The following EPHA8 variants were observed in gnomAD, a reference collection of about 807,000 sequenced individuals.
EPHA8 encodes the protein EPH receptor A8, also known as ephrin type-A receptor 8.
EPHA8 carries 58 observed loss-of-function variants against 103.6 expected under a neutral mutation model. The observed-to-expected ratio is 0.56, with a 90% CI of 0.45 to 0.70. The LOEUF (loss-of-function observed/expected upper bound fraction) is 0.70. Ranked by LOEUF, EPHA8 falls within the 30% of genes least tolerant of loss-of-function variation. The pLI is 0.00. For missense variants in EPHA8, 1,304 were observed against 1,395.2 expected, an observed-to-expected ratio of 0.93 and a Z score of 1.04; for synonymous variants, 559 against 572.5, an observed-to-expected ratio of 0.98 and a Z score of 0.34.
chr1:22,595,397 C>G (rs541265579), intron 8 of EPHA8, 74 bp downstream of exon 8: 1 of 1,312,568 alleles, frequency 7.6e-7, no homozygotes, highest in Non-Finnish European at 1.1e-6. Context: ...CCAGCCCCAC[C>G]GAGCCGGTGG....
intron 3 of EPHA8, among the ~76,000 whole-genome samples, chr1:22,580,353 G>A (rs1379887390): frequency 6.6e-6 from 1 of 151,926 alleles, no homozygotes; most frequent in African/African-American, 2.4e-5. Flanking sequence ...TGGCCAGGCT[G>A]GTCTCAAACT....
chr1:22,582,449 A>T (rs1641071567), intron 3 of EPHA8, among the ~76,000 whole-genome samples: 2 of 152,146 alleles, frequency 1.3e-5, no homozygotes, highest in Admixed American at 1.3e-4. Context: ...TTTGCAGAAG[A>T]CAGTATAGCC....
rs209742 is a variant in EPHA8 at position 22,572,263 on chromosome 1, C to T, written c.159+2910C>T. 9.2e-3 allele frequency among the ~76,000 whole-genome samples: 1,396 copies of T among 152,320 alleles called. 20 individuals carry two copies. Among genetic ancestry groups the T allele is most frequent in the African/African-American group, 0.032 (1,325 of 41,568 alleles). ...ACTGGGTCCTGATGAACGGGGGCTCCGCCTCCTGTAGTCAGTGTGATTCGG... is the reference window on the plus strand; with the variant it reads ...ACTGGGTCCTGATGAACGGGGGCTCTGCCTCCTGTAGTCAGTGTGATTCGG... On this transcript the variant is annotated intron_variant, in intron 2 of 16. Transcript: ENST00000166244.
Position 22,593,624 on chromosome 1 carries a change from C to A in EPHA8, c.1541C>A (p.Ala514Asp). ...ACCCGCTACGTGTTCCAGGTCCGAG[C>A]CCGCACCTCAGCAGGCTGTGGCCGC... ...PGTRYVFQVRARTSAGCGRFS... is the reference protein window; with the variant it reads ...PGTRYVFQVRDRTSAGCGRFS... Residue 514 changes from alanine to aspartate, a missense_variant, in exon 7 of 17, where the codon GCC becomes GAC. Physicochemically the swap from Ala to Asp is moderately radical, Grantham distance 126. Coordinates refer to ENST00000166244, the MANE Select transcript of EPHA8 (RefSeq NM_020526.5). 2 of 1,609,182 alleles carry A rather than the reference C, an allele frequency of 1.2e-6. No individual in the cohort carries two copies. The highest frequency in any genetic ancestry group is 2.2e-5 in the East Asian group (1 of 44,708).
At chr1:22,600,024 G>A (rs1390140479) in intron 13 of EPHA8, among the ~76,000 whole-genome samples, 1 of 125,290 alleles carries the variant, frequency 8.0e-6, no homozygotes, top group Non-Finnish European at 1.7e-5. Flanking sequence ...AAGGAGGGAA[G>A]GGAGAGAAGG....
chr1:22,598,305 C>G lies in EPHA8; in HGVS notation c.2178+93C>G. On this transcript the variant is annotated intron_variant, in intron 12 of 16. Coordinates refer to ENST00000166244, the MANE Select transcript of EPHA8 (RefSeq NM_020526.5). The surrounding 1 kb of genome is among the most constrained non-coding windows in gnomAD (Gnocchi z 5.1). ...AGTGCAAAGCCCTCTAAGCCCCCTC[C>G]CTGGCTTGGACACCACAGGCCGGGG... 1 of 1,321,004 alleles carries G rather than the reference C, an allele frequency of 7.6e-7. No homozygotes were observed. Among genetic ancestry groups the G allele is most frequent in the Non-Finnish European group, 1.1e-6 (1 of 944,096 alleles). 81.8% of individuals were successfully genotyped at this position (1,321,004 alleles called of 1,614,324 possible).
Position 22,593,459 on chromosome 1 carries a change from G to A in EPHA8, c.1440+9G>A. ...TCAAGTACTACGAGAAGGTACCACG[G>A]GCAGGACGGAGTGGGAGGGGCTGGG... On this transcript the variant is annotated intron_variant, in intron 6 of 16. Transcript: ENST00000166244. The A allele has an allele frequency of 1.2e-6, 2 of 1,610,568 alleles. No individual in the cohort carries two copies. Among genetic ancestry groups the A allele is most frequent in the Non-Finnish European group, 1.7e-6 (2 of 1,178,146 alleles).
chr1:22,584,859 G>A (rs1446730006), intron 3 of EPHA8, among the ~76,000 whole-genome samples: 4 of 152,164 alleles, frequency 2.6e-5, no homozygotes, highest in Non-Finnish European at 5.9e-5. Flanking sequence ...ACCAGGTTCT[G>A]GGACATTGAG....
At chr1:22,578,349 TATGTGTGCGTGC>T (rs1239256185) in intron 3 of EPHA8, among the ~76,000 whole-genome samples, 9 of 147,468 alleles carry the variant, frequency 6.1e-5, no homozygotes, top group Admixed American at 4.1e-4. Context: ...TGCATGTGTG[TATGTGTGCGTGC>T]ATGTGTGCGT....
chr1:22,588,839 C>T (rs774553017), intron 4 of EPHA8, 32 bp from the exon 5 acceptor site: 88 of 1,546,996 alleles, frequency 5.7e-5, no homozygotes, highest in Non-Finnish European at 7.1e-5. Flanking sequence ...AAATAAATAA[C>T]CACTGCCCCA....
Position 22,598,000 on chromosome 1 carries a change from GC to G in EPHA8, c.2116+142del. On this transcript the variant is annotated intron_variant, in intron 11 of 16. Coordinates refer to ENST00000166244, the MANE Select transcript of EPHA8 (RefSeq NM_020526.5). This position sits in a 1 kb window ranked among gnomAD's most constrained non-coding sequence, Gnocchi z 4.6. ...TTCAGGTCCCTGAATGACTCGGGGT[GC>G]CCAGAGCCTGGGACCCCAGTGGAAA... The G allele has an allele frequency of 7.0e-7, 1 of 1,423,440 alleles. No homozygotes were observed. The highest frequency in any genetic ancestry group is 9.8e-7 in the Non-Finnish European group (1 of 1,023,252). The allele number at this position is 1,423,440 out of a possible 1,614,324, so 88.2% of individuals were successfully genotyped here. A position where few individuals can be genotyped will look rare whatever the true frequency, so the allele number is the denominator to read the frequency against.
chr1:22,564,752 C>T (rs1409467605), intron 1 of EPHA8, among the ~76,000 whole-genome samples: 1 of 152,062 alleles, frequency 6.6e-6, no homozygotes, highest in Admixed American at 6.5e-5. Flanking sequence ...CTGCCCTGAC[C>T]CTCCTCTGTT....
rs767371482 is a variant in EPHA8, at chr1:22,593,608, G to T, written c.1525G>T (p.Val509Leu). ...VSGLKPGTRY[V>L]FQVRARTSAG... Reference sequence around the variant, plus strand: ...CGGCCTCAAGCCGGGCACCCGCTACGTGTTCCAGGTCCGAGCCCGCACCTC... The same window carrying T: ...CGGCCTCAAGCCGGGCACCCGCTACTTGTTCCAGGTCCGAGCCCGCACCTC... Residue 509 changes from valine (V) to leucine (L), a missense_variant, in exon 7 of 17, where the codon GTG becomes TTG. Val to Leu is a conservative substitution (Grantham distance 32). Transcript: ENST00000166244. 1.2e-6 allele frequency: 2 copies of T among 1,610,994 alleles called. No homozygotes were observed. The highest frequency in any genetic ancestry group is 1.3e-5 in the African/African-American group (1 of 75,016).
In EPHA8 at chr1:22,576,186, G is replaced by T. The variant is rs142608621; in HGVS notation, c.160-31G>T. On this transcript the variant is annotated intron_variant, in intron 2 of 16. Transcript: ENST00000166244. This position sits in a 1 kb window ranked among gnomAD's most constrained non-coding sequence, Gnocchi z 4.8. ...CAAAAGAGGGTGAGGTGCTGGCTCT[G>T]CTGTAGTGGCTGTGTTCTCTCTGCC... 1.8e-4 allele frequency: 292 copies of T among 1,579,034 alleles called. 2 individuals are homozygous for T. In the African/African-American group the frequency reaches 3.5e-3, roughly 19 times the overall value.
At position 22,586,562 on chromosome 1, in the gene EPHA8, A is replaced by G. The variant is rs1641214214; in HGVS notation, c.906A>G (p.Pro302=). The stretch of plus-strand genomic sequence containing the variant: ...CTCCCCACAGCCACTCCGCAGCTCC[A>G]GCCGCCCAAGCCTGCCACTGTGACC... ...RCPPHSHSAA[P]AAQACHCDLS... is the part of the protein sequence containing the mutation. Residue 302 remains proline (P), a synonymous_variant, in exon 4 of 17, where the codon CCA becomes CCG. Transcript: ENST00000166244. 1.9e-6 allele frequency: 3 copies of G among 1,613,768 alleles called. No individual in the cohort carries two copies. Among genetic ancestry groups the G allele is most frequent in the Admixed American group, 1.7e-5 (1 of 60,008 alleles).
Position 22,576,624 on chromosome 1 carries a change from T to C in EPHA8, c.567T>C (p.Gly189=), listed in dbSNP as rs1219679160. ...TCTACCTGGCCTTCCAGGACATAGG[T>C]GCCTGCCTGGCCATCCTCTCTCTCC... The part of the protein sequence containing the change: ...RGFYLAFQDI[G]ACLAILSLRI... The change falls in exon 3 of 17, where the codon GGT becomes GGC. Residue 189 remains glycine, a synonymous_variant. Coordinates refer to ENST00000166244, the MANE Select transcript of EPHA8 (RefSeq NM_020526.5). The surrounding 1 kb of genome is among the most constrained non-coding windows in gnomAD (Gnocchi z 4.8). 1.9e-6 allele frequency: 3 copies of C among 1,613,688 alleles called. No individual in the cohort carries two copies. The highest frequency in any genetic ancestry group is 2.5e-6 in the Non-Finnish European group (3 of 1,180,028).
chr1:22,594,800 T>C (rs1641472029), intron 7 of EPHA8, among the ~76,000 whole-genome samples: 1 of 152,190 alleles, frequency 6.6e-6, no homozygotes, highest in African/African-American at 2.4e-5. Flanking sequence ...TCTCTGAGCC[T>C]CTTTCCATCT....
At chr1:22,586,695 T>C (rs1641219766) in intron 4 of EPHA8, 60 bp downstream of exon 4, 1 of 1,585,274 alleles carries the variant, frequency 6.3e-7, no homozygotes, top group Admixed American at 1.7e-5. Context: ...GGCCCCTGTG[T>C]TTGGTCCTCC....
Position 22,593,414 on chromosome 1 carries a change from C to T in EPHA8, c.1404C>T (p.Gly468=). The T allele has an allele frequency of 1.9e-6, 3 of 1,602,708 alleles. No individual in the cohort carries two copies. Among genetic ancestry groups the T allele is most frequent in the Non-Finnish European group, 1.7e-6 (2 of 1,175,698 alleles). The change falls in exon 6 of 17, where the codon GGC becomes GGT. Residue 468 remains glycine, a synonymous_variant. Transcript: ENST00000166244. ...LLWQEPEQPN[G]IILEYEIKYY... ...GGCAGGAGCCCGAGCAGCCGAACGG[C>T]ATCATCCTGGAGTATGAGATCAAGT...
Sources: allele counts gnomAD v4.1 joint callset (sites outside exome capture counted in the v4.1 genomes callset), GRCh38; gene constraint gnomAD v4.1.1; non-coding constraint Gnocchi (gnomAD v3.1); transcripts MANE v1.5; gene names NCBI Gene and HGNC (gene_info 2026-07-23, HGNC 2026-07-21).